Variants in PAQR8 observed in about 807,000 individuals in gnomAD.
The protein encoded by PAQR8 is progestin and adipoQ receptor family member 8, also known as membrane progestin receptor beta.
In PAQR8, 17 loss-of-function variants were observed where a neutral mutation model predicts 25.2. The ratio of observed to expected loss-of-function variants is 0.67; its 90% CI spans 0.46 to 1.01. The LOEUF (loss-of-function observed/expected upper bound fraction) is 1.01. PAQR8 is among the 50% of genes least tolerant of loss of function. PAQR8 has a pLI of 0.00. For missense variants in PAQR8, 392 were observed against 448.4 expected, an observed-to-expected ratio of 0.87 and a Z score of 1.14; for synonymous variants, 204 against 190.6, an observed-to-expected ratio of 1.07 and a Z score of -0.58.
intron 1 of PAQR8, among the ~76,000 whole-genome samples, chr6:52,374,051 C>T (rs1763453175): frequency 6.6e-6 from 1 of 152,164 alleles, no homozygotes; most frequent in Non-Finnish European, 1.5e-5. Context: ...CCCTCTCTTA[C>T]TCCTGTTCCA....
chr6:52,365,725 G>A (rs955534086), intron 1 of PAQR8, among the ~76,000 whole-genome samples: 14 of 152,130 alleles, frequency 9.2e-5, no homozygotes, highest in African/African-American at 3.4e-4. Flanking sequence ...AGTTTTTAAA[G>A]GGTAACCTGA....
At chr6:52,385,720 C>CA (rs1417870816) in intron 1 of PAQR8, among the ~76,000 whole-genome samples, 1 of 151,800 alleles carries the variant, frequency 6.6e-6, no homozygotes, top group Non-Finnish European at 1.5e-5. Context: ...CCACTCTCTA[C>CA]AAAAAAATAC....
intron 1 of PAQR8, among the ~76,000 whole-genome samples, chr6:52,367,451 C>T (rs1351713362): frequency 2.6e-5 from 4 of 152,160 alleles, no homozygotes; most frequent in African/African-American, 7.2e-5. Context: ...ACAGAAGGAT[C>T]GCAATAAGTG....
In PAQR8 at chr6:52,406,438, G is replaced by A. The variant is rs575980593; in HGVS notation, c.*2160G>A. 2.9e-4 allele frequency: 120 copies of A among 413,450 alleles called. No individual in the cohort carries two copies. The highest frequency in any genetic ancestry group is 4.3e-4 in the Non-Finnish European group (98 of 226,110). 25.6% of individuals were successfully genotyped at this position (413,450 alleles called of 1,614,324 possible). A position where few individuals can be genotyped will look rare whatever the true frequency, so the allele number is the denominator to read the frequency against. On this transcript the variant is annotated 3_prime_UTR_variant, in exon 2 of 2. Transcript: ENST00000442253. ...AGAGCAATGATCAGATGGGTGCACA[G>A]ACCAGTGCCAATCTGAACATTGTTA...
intron 1 of PAQR8, among the ~76,000 whole-genome samples, chr6:52,386,318 C>T (rs919291046): frequency 6.6e-6 from 1 of 152,184 alleles, no homozygotes; most frequent in African/African-American, 2.4e-5. Context: ...ACACAACTAC[C>T]ATTTGACCTA....
At chr6:52,387,625 C>G (rs1020085968) in intron 1 of PAQR8, among the ~76,000 whole-genome samples, 7 of 152,190 alleles carry the variant, frequency 4.6e-5, no homozygotes, top group African/African-American at 1.7e-4. Context: ...AAGTGTCTCC[C>G]CAAATTAATA....
At chr6:52,379,879 G>A (rs1217021996) in intron 1 of PAQR8, among the ~76,000 whole-genome samples, 1 of 151,896 alleles carries the variant, frequency 6.6e-6, no homozygotes, top group African/African-American at 2.4e-5. Context: ...CGCCTGTCTC[G>A]GCCTCCCAAA....
chr6:52,404,280 G>T lies in PAQR8; in HGVS notation c.*2G>T, dbSNP rs764000675. 3 of 1,580,436 alleles carry T rather than the reference G, an allele frequency of 1.9e-6. No homozygotes were observed. Among genetic ancestry groups the T allele is most frequent in the Non-Finnish European group, 2.6e-6 (3 of 1,156,048 alleles). On this transcript the variant is annotated 3_prime_UTR_variant, in exon 2 of 2. Coordinates refer to ENST00000442253, the MANE Select transcript of PAQR8 (RefSeq NM_133367.5). Reference sequence around the variant, plus strand: ...AGACTGACCAAGAAAGATTCCTGAGGCTGGCAAGTGGGGCAACGTGTGGAG... The same window carrying T: ...AGACTGACCAAGAAAGATTCCTGAGTCTGGCAAGTGGGGCAACGTGTGGAG...
At chr6:52,377,471 C>G (rs548133489) in intron 1 of PAQR8, among the ~76,000 whole-genome samples, 3 of 152,040 alleles carry the variant, frequency 2.0e-5, no homozygotes, top group African/African-American at 7.2e-5. Flanking sequence ...ATTGATGTAC[C>G]TTGTTGATAT....
chr6:52,402,355 C>G (rs1302504407), intron 1 of PAQR8, among the ~76,000 whole-genome samples: 1 of 148,254 alleles, frequency 6.7e-6, no homozygotes, highest in Admixed American at 6.8e-5. Context: ...AGAGCAAGAC[C>G]CTGTTTCAAA....
In PAQR8 at chr6:52,403,764, C is replaced by T. The variant is rs761849331; in HGVS notation, c.551C>T (p.Ala184Val). Residue 184 changes from alanine to valine, a missense_variant, in exon 2 of 2, where the codon GCC becomes GTC. Coordinates refer to ENST00000442253, the MANE Select transcript of PAQR8 (RefSeq NM_133367.5). ...TGGCTTTTCTTCTTGCCAGCAGCTG[C>T]CTTCTGTGGCTGGTTATCTTGTGCT... ...RFWLFFLPAA[A>V]FCGWLSCAGC... is the part of the protein sequence containing the mutation. 1 of 1,614,248 alleles carries T rather than the reference C, an allele frequency of 6.2e-7. No homozygotes were observed.
intron 1 of PAQR8, among the ~76,000 whole-genome samples, chr6:52,377,733 C>T (rs1763501619): frequency 2.2e-5 from 3 of 134,102 alleles, no homozygotes; most frequent in Admixed American, 1.5e-4. Flanking sequence ...TGGTTAAGAG[C>T]AAAACTTAAA....
chr6:52,362,248 C>G lies in PAQR8; in HGVS notation c.-54C>G, dbSNP rs1224999526. 1.3e-5 allele frequency: 2 copies of G among 152,086 alleles called. No individual in the cohort carries two copies. The highest frequency in any genetic ancestry group is 4.1e-4 in the South Asian group (2 of 4,830). The allele number at this position is 152,086 out of a possible 1,614,324, so 9.4% of individuals were successfully genotyped here. On this transcript the variant is annotated splice_region_variant and 5_prime_UTR_variant, in exon 1 of 2. Coordinates refer to ENST00000442253, the MANE Select transcript of PAQR8 (RefSeq NM_133367.5). The surrounding 1 kb of genome is among the most constrained non-coding windows in gnomAD (Gnocchi z 4.1). The stretch of plus-strand genomic sequence containing the variant: ...GCACGGGCTCGGCCGCCGCCCCTGC[C>G]GGTGAGTCCCGCCGCGGGAGGCGCG...
intron 1 of PAQR8, among the ~76,000 whole-genome samples, chr6:52,401,123 C>T (rs1456884373): frequency 6.6e-6 from 1 of 152,216 alleles, no homozygotes; most frequent in Non-Finnish European, 1.5e-5. Flanking sequence ...CCAGGTCTCC[C>T]TGAACTTCTT....
rs770253766 is a variant in PAQR8, at chr6:52,403,209, C to T, written c.-5C>T. On this transcript the variant is annotated 5_prime_UTR_variant, in exon 2 of 2. Coordinates refer to ENST00000442253, the MANE Select transcript of PAQR8 (RefSeq NM_133367.5). ...CGCGGCACGGAGTGCATGCGGGCCG[C>T]TGCCATGACGACCGCCATCTTGGAG... The T allele has an allele frequency of 6.3e-7, 1 of 1,589,780 alleles. No individual in the cohort carries two copies. The highest frequency in any genetic ancestry group is 1.7e-5 in the Admixed American group (1 of 59,482).
intron 1 of PAQR8, among the ~76,000 whole-genome samples, chr6:52,385,802 C>T (rs1763626853): frequency 1.3e-5 from 2 of 152,220 alleles, no homozygotes; most frequent in African/African-American, 4.8e-5. Context: ...GGAGGATCAC[C>T]TGAGCCTGGA....
chr6:52,365,321 AT>A (rs112378494), intron 1 of PAQR8, among the ~76,000 whole-genome samples: 12 of 149,182 alleles, frequency 8.0e-5, no homozygotes, highest in Middle Eastern at 3.4e-3. Context: ...TAAAATTCGC[AT>A]TTTTTTTTTC....
At position 52,407,706 on chromosome 6, in the gene PAQR8, A is replaced by G. The variant is rs926191003; in HGVS notation, c.*3428A>G. 2.7e-5 allele frequency: 4 copies of G among 146,894 alleles called. No individual in the cohort carries two copies. The highest frequency in any genetic ancestry group is 8.0e-5 in the African/African-American group (3 of 37,700). The allele number at this position is 146,894 out of a possible 1,614,324, so 9.1% of individuals were successfully genotyped here. On this transcript the variant is annotated 3_prime_UTR_variant, in exon 2 of 2. Coordinates refer to ENST00000442253, the MANE Select transcript of PAQR8 (RefSeq NM_133367.5). The stretch of plus-strand genomic sequence containing the variant: ...AAAAAAAAAAAAAAAAAAAAAAAAA[A>G]AAAATGGAGCTATTTTCTGTCTATA...
chr6:52,377,938 C>T (rs1763503905), intron 1 of PAQR8, among the ~76,000 whole-genome samples: 1 of 152,066 alleles, frequency 6.6e-6, no homozygotes, highest in African/African-American at 2.4e-5. Flanking sequence ...AGAATGATTT[C>T]CAATAAACGA....
Sources: gnomAD v4.1 joint callset for allele counts (sites outside exome capture counted in the v4.1 genomes callset) on GRCh38, gnomAD v4.1.1 for gene constraint, Gnocchi (gnomAD v3.1) non-coding constraint, MANE v1.5 for transcripts, NCBI Gene and HGNC (gene_info 2026-07-23, HGNC 2026-07-21) for gene names.